Variants in RBFOX1 observed in about 807,000 individuals in gnomAD.
RBFOX1 encodes the protein RNA binding protein fox-1 homolog 1.
In RBFOX1, 8 loss-of-function variants were observed where a neutral mutation model predicts 57.7. The ratio of observed to expected loss-of-function variants is 0.14; its 90% CI spans 0.08 to 0.25. The LOEUF is 0.25. Ranked by LOEUF, RBFOX1 falls within the 10% of genes least tolerant of loss-of-function variation. The probability of loss-of-function intolerance (pLI) is 1.00; values close to 1 mark genes in which losing one functional copy is unlikely to be tolerated. For synonymous variants in RBFOX1, 326 were observed against 222.4 expected (o/e 1.47, Z -4.15); for missense variants, 611 against 548.5 (o/e 1.11, Z -1.14).
intron 4 of RBFOX1, among the ~76,000 whole-genome samples, chr16:7,338,924 G>A (rs888297899): frequency 1.3e-5 from 2 of 152,206 alleles, no homozygotes; most frequent in South Asian, 4.1e-4. Context: ...GATTGGGAAA[G>A]ACATCAGCAT....
intron 14 of RBFOX1, among the ~76,000 whole-genome samples, chr16:7,678,453 G>A (rs1237494605): frequency 2.0e-5 from 3 of 152,136 alleles, no homozygotes; most frequent in African/African-American, 7.2e-5. Context: ...TGGTTCAGCT[G>A]CAACCCTTAA....
intron 1 of RBFOX1, among the ~76,000 whole-genome samples, chr16:6,198,569 GA>G (rs2097195474): frequency 2.0e-5 from 3 of 152,172 alleles, no homozygotes; most frequent in Non-Finnish European, 1.5e-5. Flanking sequence ...TTCATCTTCT[GA>G]AAACAAGAGA....
intron 10 of RBFOX1, among the ~76,000 whole-genome samples, chr16:7,623,152 T>C (rs1278804440): frequency 2.0e-5 from 3 of 152,172 alleles, no homozygotes; most frequent in African/African-American, 7.2e-5. Context: ...AGTTGGCTAG[T>C]GCTGCCATAG....
intron 3 of RBFOX1, among the ~76,000 whole-genome samples, chr16:6,735,544 A>G (rs1484613708): frequency 1.3e-5 from 2 of 152,162 alleles, no homozygotes; most frequent in African/African-American, 4.8e-5. Context: ...GTGTCTTTTA[A>G]CTATTTCTCG....
At chr16:5,297,290 G>A (rs2063693468) in intron 1 of RBFOX1, among the ~76,000 whole-genome samples, 1 of 152,132 alleles carries the variant, frequency 6.6e-6, no homozygotes, top group Admixed American at 6.5e-5. Flanking sequence ...GGATCATATG[G>A]TAGTTCTACT....
chr16:6,558,599 TG>T (rs944069326), intron 2 of RBFOX1, among the ~76,000 whole-genome samples: 10 of 152,284 alleles, frequency 6.6e-5, no homozygotes, highest in African/African-American at 2.4e-4. Flanking sequence ...GCTTTTGTCC[TG>T]GGGATATGGC....
At chr16:6,812,624 G>A (rs1400433258) in intron 3 of RBFOX1, among the ~76,000 whole-genome samples, 4 of 152,192 alleles carry the variant, frequency 2.6e-5, no homozygotes, top group Middle Eastern at 6.8e-3. Context: ...TGATCCACCC[G>A]CCTCAGCCTA....
chr16:7,355,806 C>A (rs2097204797), intron 4 of RBFOX1, among the ~76,000 whole-genome samples: 1 of 152,208 alleles, frequency 6.6e-6, no homozygotes, highest in South Asian at 2.1e-4. Flanking sequence ...TAAGTTTTTG[C>A]CAATCTGTTG....
intron 1 of RBFOX1, among the ~76,000 whole-genome samples, chr16:6,079,361 GAGTGTGGC>G (rs2095963014): frequency 6.6e-6 from 1 of 152,122 alleles, no homozygotes; most frequent in Admixed American, 6.5e-5. Context: ...TGCCAGGTTG[GAGTGTGGC>G]AGTATGAATA....
At chr16:5,609,147 C>T (rs1201344549) in intron 3 of RBFOX1, among the ~76,000 whole-genome samples, 1 of 152,118 alleles carries the variant, frequency 6.6e-6, no homozygotes, top group Non-Finnish European at 1.5e-5. Flanking sequence ...GGGGAGAGGG[C>T]TCTGTGCTGT....
chr16:6,152,359 C>T (rs1043980106), intron 1 of RBFOX1, among the ~76,000 whole-genome samples: 2 of 152,150 alleles, frequency 1.3e-5, no homozygotes, highest in East Asian at 3.9e-4. Flanking sequence ...TAACTAGCTG[C>T]TGTTTGCTTC....
intron 4 of RBFOX1, among the ~76,000 whole-genome samples, chr16:7,400,480 A>G (rs549220731): frequency 6.6e-6 from 1 of 152,326 alleles, no homozygotes; most frequent in African/African-American, 2.4e-5. Flanking sequence ...ATTTAAATTT[A>G]TAGTGAAAGC....
At chr16:6,981,764 C>T (rs114547336) in intron 3 of RBFOX1, among the ~76,000 whole-genome samples, 1 of 152,126 alleles carries the variant, frequency 6.6e-6, no homozygotes, top group African/African-American at 2.4e-5. Context: ...TTATTTCCCG[C>T]CTGGTTCCCC....
At chr16:5,375,386 G>C (rs1227021226) in intron 1 of RBFOX1, among the ~76,000 whole-genome samples, 1 of 152,204 alleles carries the variant, frequency 6.6e-6, no homozygotes, top group Non-Finnish European at 1.5e-5. Context: ...AAGGGGCATG[G>C]AGACTGAATC....
chr16:5,786,332 G>A lies in RBFOX1; in HGVS notation c.319-80971G>A, dbSNP rs564101483. ...TCTGACCTCCCAAGTCCAGGATGGG[G>A]GCCCTTCCAGCTGTCCCTTGATAAC... On this transcript the variant is annotated intron_variant, in intron 3 of 19. Transcript: ENST00000641259. 5.9e-5 allele frequency among the ~76,000 whole-genome samples: 9 copies of A among 152,170 alleles called. No homozygotes were observed. The South Asian group carries it at 1.9e-3, about 32-fold the overall frequency.
intron 4 of RBFOX1, among the ~76,000 whole-genome samples, chr16:6,012,760 G>C (rs1181830883): frequency 1.3e-5 from 2 of 152,156 alleles, no homozygotes; most frequent in Non-Finnish European, 1.5e-5. Flanking sequence ...GCCATCTTCA[G>C]TATTAATTTG....
At chr16:5,244,015 G>A (rs1004869033) in intron 1 of RBFOX1, among the ~76,000 whole-genome samples, 2 of 152,084 alleles carry the variant, frequency 1.3e-5, no homozygotes, top group African/African-American at 4.8e-5. Flanking sequence ...TCCTGCCTCA[G>A]CCTCCGGAGT....
At chr16:6,550,027 C>G (rs572290870) in intron 2 of RBFOX1, among the ~76,000 whole-genome samples, 1 of 152,272 alleles carries the variant, frequency 6.6e-6, no homozygotes, top group African/African-American at 2.4e-5. Flanking sequence ...TTCAAATCCA[C>G]CCAAGAAGTG....
intron 3 of RBFOX1, among the ~76,000 whole-genome samples, chr16:6,684,266 C>T (rs901930863): frequency 6.6e-6 from 1 of 152,134 alleles, no homozygotes; most frequent in African/African-American, 2.4e-5. Context: ...CAGAAGATGG[C>T]AGTGCACGAT....
Sources: allele counts gnomAD v4.1 joint callset (sites outside exome capture counted in the v4.1 genomes callset), GRCh38; gene constraint gnomAD v4.1.1; transcripts MANE v1.5; gene names NCBI Gene and HGNC (gene_info 2026-07-23, HGNC 2026-07-21).